ROBO2: variants seen among roughly 807,000 people sequenced by gnomAD.
ROBO2 encodes the protein roundabout homolog 2.
In ROBO2, 53 loss-of-function variants were observed where a neutral mutation model predicts 160.8. The ratio of observed to expected loss-of-function variants is 0.33; its 90% confidence interval spans 0.26 to 0.41. The LOEUF (loss-of-function observed/expected upper bound fraction) is 0.41. Ranked by LOEUF, ROBO2 falls within the 10% of genes least tolerant of loss-of-function variation. ROBO2 has a pLI of 1.00. For missense variants in ROBO2, 1,577 were observed against 1,722.4 expected (o/e 0.92, Z 1.49); for synonymous variants, 664 against 611.7 (o/e 1.09, Z -1.26).
intron 2 of ROBO2, among the ~76,000 whole-genome samples, chr3:75,985,114 A>C (rs867945017): frequency 1.3e-5 from 2 of 151,350 alleles, no homozygotes; most frequent in Admixed American, 6.6e-5. Flanking sequence ...GTTATTCTTC[A>C]TGTAATAATG....
chr3:77,008,053 G>A (rs1351253425), intron 2 of ROBO2, among the ~76,000 whole-genome samples: 2 of 151,818 alleles, frequency 1.3e-5, no homozygotes, highest in African/African-American at 4.8e-5. Flanking sequence ...TTTCCCATCA[G>A]GGAACTTTAG....
chr3:77,472,919 T>G (rs1407659657), intron 2 of ROBO2, among the ~76,000 whole-genome samples: 1 of 152,114 alleles, frequency 6.6e-6, no homozygotes, highest in African/African-American at 2.4e-5. Flanking sequence ...ACTGAAGCAG[T>G]GTCCTTCGTC....
At chr3:76,144,418 G>T (rs1261273513) in intron 2 of ROBO2, among the ~76,000 whole-genome samples, 1 of 151,986 alleles carries the variant, frequency 6.6e-6, no homozygotes, top group Admixed American at 6.6e-5. Context: ...AAAAGAACTT[G>T]TCTCTGAAAA....
intron 2 of ROBO2, among the ~76,000 whole-genome samples, chr3:77,313,645 C>T (rs1288205115): frequency 7.2e-5 from 11 of 152,034 alleles, no homozygotes; most frequent in Non-Finnish European, 8.8e-5. Flanking sequence ...GAGTGCATGG[C>T]GTGATCTCGG....
chr3:77,448,567 G>A (rs2080801751), intron 2 of ROBO2, among the ~76,000 whole-genome samples: 1 of 150,794 alleles, frequency 6.6e-6, no homozygotes, highest in African/African-American at 2.4e-5. Context: ...AAGGCAGCTA[G>A]AGTTAACTAA....
intron 1 of ROBO2, among the ~76,000 whole-genome samples, 197 bp from the exon 2 acceptor site, chr3:77,097,817 A>G (rs1185853440): frequency 6.6e-6 from 1 of 152,200 alleles, no homozygotes; most frequent in African/African-American, 2.4e-5. Flanking sequence ...CTTTGAGTTA[A>G]CATATTAATT....
chr3:77,059,530 A>C (rs2066084427), intron 1 of ROBO2, among the ~76,000 whole-genome samples: 1 of 152,210 alleles, frequency 6.6e-6, no homozygotes, highest in Admixed American at 6.5e-5. Flanking sequence ...GTTACAGTGG[A>C]AAGACCCTAT....
chr3:76,834,064 T>C, intron 2 of ROBO2, among the ~76,000 whole-genome samples: 12 of 99,322 alleles, frequency 1.2e-4, no homozygotes, highest in African/African-American at 3.4e-4. Context: ...TTTCTTTCTT[T>C]TCTTTCTTTC....
chr3:76,779,574 T>C (rs1271007541), intron 2 of ROBO2, among the ~76,000 whole-genome samples: 1 of 150,966 alleles, frequency 6.6e-6, no homozygotes, highest in Non-Finnish European at 1.5e-5. Context: ...CTATTTTAGG[T>C]TCTACATATA....
At chr3:77,138,347 T>A (rs970733458) in intron 2 of ROBO2, among the ~76,000 whole-genome samples, 11 of 152,230 alleles carry the variant, frequency 7.2e-5, no homozygotes, top group Non-Finnish European at 1.0e-4. Context: ...CCACACGTTG[T>A]TAATTTACCA....
chr3:76,818,288 C>A (rs2109087375), intron 2 of ROBO2, among the ~76,000 whole-genome samples: 1 of 151,894 alleles, frequency 6.6e-6, no homozygotes, highest in East Asian at 1.9e-4. Context: ...ATTTGTATAT[C>A]TTGTTTTGAG....
intron 2 of ROBO2, among the ~76,000 whole-genome samples, chr3:76,504,517 CTCTTT>C (rs1424625942): frequency 2.3e-3 from 279 of 119,324 alleles, no homozygotes; most frequent in African/African-American, 8.1e-3. Context: ...TTAGAAAATA[CTCTTT>C]TTTTTTTTTT....
At chr3:76,019,774 A>G (rs1259649703) in intron 2 of ROBO2, among the ~76,000 whole-genome samples, 2 of 150,720 alleles carry the variant, frequency 1.3e-5, no homozygotes, top group African/African-American at 4.9e-5. Context: ...GAATTGTCTA[A>G]TATTTGCATT....
At chr3:77,484,361 T>G (rs187064420) in intron 4 of ROBO2, among the ~76,000 whole-genome samples, 1 of 152,188 alleles carries the variant, frequency 6.6e-6, no homozygotes. Flanking sequence ...AAATTTGGGT[T>G]TTAAAAATGA....
intron 2 of ROBO2, among the ~76,000 whole-genome samples, chr3:76,207,506 T>C (rs761155994): frequency 2.6e-5 from 4 of 152,180 alleles, no homozygotes; most frequent in Non-Finnish European, 5.9e-5. Flanking sequence ...TAAGAAAGCT[T>C]CAATTAATAT....
chr3:76,952,327 G>A (rs2079007240), intron 2 of ROBO2, among the ~76,000 whole-genome samples: 1 of 151,814 alleles, frequency 6.6e-6, no homozygotes, highest in Admixed American at 6.6e-5. Flanking sequence ...TTTTTGCCCA[G>A]GCTGGAGTGC....
chr3:76,280,140 G>A lies in ROBO2; in HGVS notation c.109+342538G>A, dbSNP rs1158386. Among the ~76,000 whole-genome samples, 567 of 151,934 alleles carry A rather than the reference G, an allele frequency of 3.7e-3. 6 individuals are homozygous for A. Among genetic ancestry groups the A allele is most frequent in the Admixed American group, 0.025 (376 of 15,208 alleles). ...AATAAGCATGAATTCCTGAAAAGTC[G>A]GCAATTTCTGTTAAAGCGAATAGTC... On this transcript the variant is annotated intron_variant, in intron 2 of 26. Coordinates refer to the ROBO2 transcript ENST00000487694.
intron 21 of ROBO2, among the ~76,000 whole-genome samples, chr3:77,614,194 G>A (rs1427775108): frequency 6.6e-6 from 1 of 152,142 alleles, no homozygotes; most frequent in Non-Finnish European, 1.5e-5. Context: ...TAAGTGGTGG[G>A]CAGGATTGGT....
At position 77,070,806 on chromosome 3, in the gene ROBO2, C is replaced by T. The variant is rs148011499; in HGVS notation, c.62-27208C>T. Among the ~76,000 whole-genome samples, 234 of 152,174 alleles carry T rather than the reference C, an allele frequency of 1.5e-3. 2 individuals are homozygous for T. Among genetic ancestry groups the T allele is most frequent in the African/African-American group, 4.9e-3 (203 of 41,526 alleles). On this transcript the variant is annotated intron_variant, in intron 1 of 25. Transcript: ENST00000461745. ...TGATTTACATTTCAAAGAGGTATCT[C>T]GGGCTATTGCGTAGAGGATGGACTG...
Sources: allele counts gnomAD v4.1 joint callset (sites outside exome capture counted in the v4.1 genomes callset), GRCh38; gene constraint gnomAD v4.1.1; transcripts MANE v1.5; gene names NCBI Gene and HGNC (gene_info 2026-07-23, HGNC 2026-07-21).